TUBGCP5: variants seen among roughly 807,000 people sequenced by gnomAD.
TUBGCP5 encodes the protein gamma-tubulin complex component 5.
A neutral mutation model predicts 134.7 loss-of-function variants in TUBGCP5; 98 were observed. The ratio of observed to expected loss-of-function variants is 0.73; its 90% CI spans 0.62 to 0.86. The LOEUF is 0.86. TUBGCP5 is among the 40% of genes least tolerant of loss of function. The pLI is 0.00. For synonymous variants in TUBGCP5, 456 were observed against 431.4 expected (o/e 1.06, Z -0.71); for missense variants, 1,150 against 1,244.8 (o/e 0.92, Z 1.15).
At chr15:22,987,712 C>T (rs1384650428) in intron 23 of TUBGCP5, among the ~76,000 whole-genome samples, 5 of 151,208 alleles carry the variant, frequency 3.3e-5, no homozygotes, top group Non-Finnish European at 7.4e-5. Context: ...CTGGCTAACA[C>T]GGTGAAACCC....
chr15:23,036,877 T>G lies in TUBGCP5; in HGVS notation c.309+20A>C. 1 of 1,416,852 alleles carries G rather than the reference T, an allele frequency of 7.1e-7. No homozygotes were observed. The highest frequency in any genetic ancestry group is 9.9e-7 in the Non-Finnish European group (1 of 1,008,942). 87.8% of individuals were successfully genotyped at this position (1,416,852 alleles called of 1,614,324 possible). ...GAAACAGTAAAATACACAGTGGAGA[T>G]CTCATAATTGAAGGCATACCTTTAT... On this transcript the variant is annotated intron_variant, in intron 3 of 22. Coordinates refer to ENST00000615383, the MANE Select transcript of TUBGCP5 (RefSeq NM_052903.6).
intron 12 of TUBGCP5, 31 bp downstream of exon 12, chr15:23,019,188 C>A: frequency 2.0e-6 from 3 of 1,496,398 alleles, no homozygotes; most frequent in Non-Finnish European, 2.8e-6. Flanking sequence ...GATGCCAGCC[C>A]CCAGTGACCT....
chr15:23,039,360 C>A, intron 1 of TUBGCP5, 38 bp downstream of exon 1: 1 of 1,368,754 alleles, frequency 7.3e-7, no homozygotes, highest in Non-Finnish European at 9.5e-7. Context: ...GGGCTCCGGG[C>A]TGTGGCCGGG....
At chr15:22,985,432 G>A (rs535896787) in intron 23 of TUBGCP5, among the ~76,000 whole-genome samples, 1 of 151,950 alleles carries the variant, frequency 6.6e-6, no homozygotes, top group African/African-American at 2.4e-5. Context: ...TGATCAGGCT[G>A]GTCTCAAACT....
At chr15:23,009,418 G>T (rs1288178939) in intron 15 of TUBGCP5, among the ~76,000 whole-genome samples, 1 of 151,830 alleles carries the variant, frequency 6.6e-6, no homozygotes, top group Non-Finnish European at 1.5e-5. Context: ...ACAGGCGCCC[G>T]GCACCACGCC....
chr15:22,988,693 G>A (rs1181116854), intron 23 of TUBGCP5, among the ~76,000 whole-genome samples: 22 of 149,356 alleles, frequency 1.5e-4, no homozygotes, highest in African/African-American at 2.0e-4. Flanking sequence ...CCGAGATCGC[G>A]TGACTGCACT....
intron 23 of TUBGCP5, among the ~76,000 whole-genome samples, chr15:22,993,531 T>G (rs1786880663): frequency 3.4e-5 from 3 of 88,188 alleles, no homozygotes; most frequent in South Asian, 4.8e-4. Context: ...CGAAGTTTTT[T>G]TTTTTTTTTT....
chr15:23,032,099 G>A, intron 4 of TUBGCP5, 70 bp from the exon 5 acceptor site: 20 of 1,096,204 alleles, frequency 1.8e-5, no homozygotes, highest in Middle Eastern at 2.2e-4. Flanking sequence ...CAAAACTAAG[G>A]AAAAAAGACT....
chr15:23,032,888 G>C, intron 3 of TUBGCP5, 64 bp from the exon 4 acceptor site: 1 of 1,235,558 alleles, frequency 8.1e-7, no homozygotes, highest in Admixed American at 2.6e-5. Flanking sequence ...ACCAGATTGA[G>C]TAAAGATAAC....
Position 23,036,783 on chromosome 15 carries a change from T to C in TUBGCP5, c.309+114A>G, listed in dbSNP as rs1048699897. ...TAAGTAAATTTCCAAGAGATCCCGT[T>C]AGCCAGTAGATAATACTAAAATAGA... On this transcript the variant is annotated intron_variant, in intron 3 of 22. Transcript: ENST00000615383. The C allele has an allele frequency of 9.3e-6, 7 of 751,446 alleles. No homozygotes were observed. The African/African-American group carries it at 1.1e-4, about 11-fold the overall frequency. 46.5% of individuals were successfully genotyped at this position (751,446 alleles called of 1,614,324 possible).
chr15:23,018,595 A>T (rs748980), intron 12 of TUBGCP5, among the ~76,000 whole-genome samples: 13,292 of 152,224 alleles, frequency 0.087, 1,052 homozygotes, highest in East Asian at 0.46. Flanking sequence ...CTAAAGACTT[A>T]AAGTTATCCT....
chr15:23,015,769 A>G (rs1307948864), intron 13 of TUBGCP5, among the ~76,000 whole-genome samples: 1 of 152,212 alleles, frequency 6.6e-6, no homozygotes, highest in Non-Finnish European at 1.5e-5. Flanking sequence ...TTACAACTGA[A>G]GAAAGTACAT....
At position 23,024,773 on chromosome 15, in the gene TUBGCP5, A is replaced by G. The variant is rs759991649; in HGVS notation, c.885T>C (p.Thr295=). 1.3e-6 allele frequency: 2 copies of G among 1,592,810 alleles called. No homozygotes were observed. Among genetic ancestry groups the G allele is most frequent in the Non-Finnish European group, 1.7e-6 (2 of 1,165,238 alleles). Residue 295 remains threonine, a synonymous_variant, in exon 9 of 23, where the codon ACT becomes ACC. Coordinates refer to ENST00000615383, the MANE Select transcript of TUBGCP5 (RefSeq NM_052903.6). ...FIFQLIDGKV[T]VRNNIIVTHL... The stretch of plus-strand genomic sequence containing the variant: ...GAGTTACTATAATATTGTTTCTCAC[A>G]GTTACCTTCCCATCTATCAACTGAA...
chr15:22,991,271 A>C (rs1036506897), intron 23 of TUBGCP5, among the ~76,000 whole-genome samples: 15 of 151,792 alleles, frequency 9.9e-5, no homozygotes, highest in African/African-American at 3.4e-4. Context: ...CTAATTTTCT[A>C]TATTAGTAGA....
chr15:23,023,899 A>G (rs762713694), intron 10 of TUBGCP5, 48 bp downstream of exon 10: 1 of 1,572,262 alleles, frequency 6.4e-7, no homozygotes, highest in Non-Finnish European at 8.6e-7. Context: ...GTGGCATTCA[A>G]ATTATGAGTT....
In TUBGCP5 at chr15:23,018,028, G is replaced by A. The variant is rs2140514992; in HGVS notation, c.1501C>T (p.Pro501Ser). 6.2e-7 allele frequency: 1 copy of A among 1,606,318 alleles called. No homozygotes were observed. Among genetic ancestry groups the A allele is most frequent in the Non-Finnish European group, 8.5e-7 (1 of 1,175,346 alleles). Residue 501 changes from proline to serine, a missense_variant, in exon 13 of 23, where the codon CCA becomes TCA. Pro to Ser is a moderately conservative substitution (Grantham distance 74). Transcript: ENST00000615383. ...TACCAGAAGTCTCTGTGATTAACTG[G>A]AACATTTTTGTTTCTAAAGAGATTC... is the stretch of plus-strand genomic sequence containing the variant. ...EFIIQRNKNVPVNHRDFWYAT... is the reference protein window; with the variant it reads ...EFIIQRNKNVSVNHRDFWYAT...
chr15:23,015,028 C>T (rs1359647998), intron 13 of TUBGCP5, among the ~76,000 whole-genome samples: 1 of 152,134 alleles, frequency 6.6e-6, no homozygotes, highest in Non-Finnish European at 1.5e-5. Flanking sequence ...TGTGTACATG[C>T]ATGTACCCCT....
intron 23 of TUBGCP5, among the ~76,000 whole-genome samples, chr15:22,987,453 T>TA (rs1229575596): frequency 6.6e-6 from 1 of 151,754 alleles, no homozygotes; most frequent in Non-Finnish European, 1.5e-5. Context: ...CCCCAGCAAA[T>TA]ACCTGTGTCA....
intron 6 of TUBGCP5, among the ~76,000 whole-genome samples, chr15:23,028,431 T>C (rs1168649955): frequency 1.7e-5 from 2 of 119,912 alleles, no homozygotes; most frequent in African/African-American, 3.1e-5. Flanking sequence ...GATCTAAAAA[T>C]GTACTAAAAA....
Sources: allele counts gnomAD v4.1 joint callset (sites outside exome capture counted in the v4.1 genomes callset), GRCh38; gene constraint gnomAD v4.1.1; transcripts MANE v1.5; gene names NCBI Gene and HGNC (gene_info 2026-07-23, HGNC 2026-07-21).